Variants in SNX18 observed in about 807,000 individuals in gnomAD.
SNX18 encodes sorting nexin 18.
A neutral mutation model predicts 48.7 loss-of-function variants in SNX18; 35 were observed. The ratio of observed to expected loss-of-function variants is 0.72; its 90% CI spans 0.55 to 0.95. SNX18 has a LOEUF of 0.95. Ranked by LOEUF, SNX18 falls within the 40% of genes least tolerant of loss-of-function variation. The probability of loss-of-function intolerance (pLI) is 0.00; values close to 1 mark genes in which losing one functional copy is unlikely to be tolerated. For missense variants in SNX18, 824 were observed against 871.0 expected (o/e 0.95, Z 0.68); for synonymous variants, 492 against 384.7 (o/e 1.28, Z -3.26).
the SNX18 span, among the ~76,000 whole-genome samples, chr5:54,552,998 A>G: frequency 7.0e-6 from 1 of 142,764 alleles, no homozygotes; most frequent in East Asian, 2.4e-4. Context: ...GAGCTTCCAC[A>G]GTTGGTGCAA....
chr5:54,521,847 C>T (rs572840340), intron 1 of SNX18, among the ~76,000 whole-genome samples: 1 of 152,152 alleles, frequency 6.6e-6, no homozygotes, highest in South Asian at 2.1e-4. Flanking sequence ...GGATTACAAG[C>T]GTGAACCACC....
the SNX18 span, among the ~76,000 whole-genome samples, chr5:54,614,183 T>C: frequency 6.6e-6 from 1 of 152,236 alleles, no homozygotes; most frequent in East Asian, 1.9e-4. Context: ...TTGGCCATCA[T>C]GGTTCTCAAA....
the SNX18 span, among the ~76,000 whole-genome samples, chr5:54,601,448 T>C: frequency 6.6e-6 from 1 of 152,192 alleles, no homozygotes; most frequent in Non-Finnish European, 1.5e-5. Flanking sequence ...TGAGAGAGCA[T>C]GAGGAGAGTC....
the SNX18 span, among the ~76,000 whole-genome samples, chr5:54,612,377 G>C: frequency 6.6e-6 from 1 of 151,876 alleles, no homozygotes; most frequent in African/African-American, 2.4e-5. Context: ...TCTTGCCTCA[G>C]CCTCCAGAGT....
downstream of SNX18, among the ~76,000 whole-genome samples, chr5:54,548,514 G>C (rs535287965): frequency 1.4e-4 from 21 of 152,342 alleles, 1 homozygote; most frequent in Middle Eastern, 0.02. Context: ...ACCTGGGTCA[G>C]ATCCTAGTTG....
At position 54,518,557 on chromosome 5, in the gene SNX18, C is replaced by G; in HGVS notation, c.605C>G (p.Ser202Cys). ...RYRLSTRSDL[S>C]LGSRGGSVPP... ...CGCCTGTCCACGCGCTCCGACCTGTCCCTGGGTTCCCGCGGCGGCTCGGTC... is the reference window on the plus strand; with the variant it reads ...CGCCTGTCCACGCGCTCCGACCTGTGCCTGGGTTCCCGCGGCGGCTCGGTC... The change falls in exon 1 of 2, where the codon TCC (serine) becomes TGC (cysteine). Residue 202 changes from serine (S) to cysteine (C), a missense_variant. Ser to Cys is a moderately radical substitution (Grantham distance 112). Coordinates refer to ENST00000381410, the MANE Select transcript of SNX18 (RefSeq NM_001102575.2). 1.3e-6 allele frequency: 2 copies of G among 1,587,642 alleles called. No individual in the cohort carries two copies. Among genetic ancestry groups the G allele is most frequent in the Non-Finnish European group, 8.6e-7 (1 of 1,167,924 alleles).
At chr5:54,528,521 T>G (rs1411724374) in intron 1 of SNX18, among the ~76,000 whole-genome samples, 1 of 152,324 alleles carries the variant, frequency 6.6e-6, no homozygotes, top group East Asian at 1.9e-4. Context: ...AGTGTGACTT[T>G]TGGAGGAGTG....
the SNX18 span, among the ~76,000 whole-genome samples, chr5:54,597,684 GAAACCAATGAAA>G: frequency 1.3e-5 from 2 of 152,144 alleles, no homozygotes; most frequent in Admixed American, 1.3e-4. Context: ...GAAGTTCTTT[GAAACCAATGAAA>G]ACAAAGAAAA....
chr5:54,631,614 A>G, the SNX18 span, among the ~76,000 whole-genome samples: 1 of 152,224 alleles, frequency 6.6e-6, no homozygotes. Flanking sequence ...AAGTTGAAAA[A>G]GATATTCTTT....
At chr5:54,636,401 G>C in the SNX18 span, among the ~76,000 whole-genome samples, 6 of 152,016 alleles carry the variant, frequency 3.9e-5, no homozygotes, top group South Asian at 1.2e-3. Context: ...TTTTGCTATG[G>C]GGAGAAAAAT....
chr5:54,646,156 C>T, the SNX18 span, among the ~76,000 whole-genome samples: 1 of 152,070 alleles, frequency 6.6e-6, no homozygotes, highest in Non-Finnish European at 1.5e-5. Context: ...TGCTGAAACC[C>T]CAAGAAGACT....
At chr5:54,605,385 T>A in the SNX18 span, among the ~76,000 whole-genome samples, 1 of 152,140 alleles carries the variant, frequency 6.6e-6, no homozygotes, top group African/African-American at 2.4e-5. Context: ...AAGCAATATT[T>A]AATTTGAAGA....
At chr5:54,537,013 C>T (rs1314410033) in intron 1 of SNX18, among the ~76,000 whole-genome samples, 1 of 152,162 alleles carries the variant, frequency 6.6e-6, no homozygotes, top group African/African-American at 2.4e-5. Flanking sequence ...TGTCTGTCAG[C>T]TGCATAAATG....
chr5:54,603,373 T>C, the SNX18 span, among the ~76,000 whole-genome samples: 2 of 151,992 alleles, frequency 1.3e-5, no homozygotes, highest in Non-Finnish European at 2.9e-5. Flanking sequence ...CCCAAAGTAT[T>C]GGGACACAGG....
chr5:54,536,161 A>G (rs1405654979), intron 1 of SNX18, among the ~76,000 whole-genome samples: 2 of 152,162 alleles, frequency 1.3e-5, no homozygotes, highest in African/African-American at 4.8e-5. Context: ...CCTGTTCGGT[A>G]TCACTGTATT....
intron 1 of SNX18, among the ~76,000 whole-genome samples, chr5:54,528,222 A>G (rs1436986723): frequency 6.6e-6 from 1 of 152,006 alleles, no homozygotes; most frequent in Non-Finnish European, 1.5e-5. Context: ...TCGTTTGCTT[A>G]ATTCAGAGCA....
chr5:54,632,837 A>C, the SNX18 span, among the ~76,000 whole-genome samples: 1 of 152,052 alleles, frequency 6.6e-6, no homozygotes, highest in Non-Finnish European at 1.5e-5. Flanking sequence ...ACAGTGGCGA[A>C]ACCTTGCCTT....
intron 1 of SNX18, among the ~76,000 whole-genome samples, chr5:54,542,235 T>G (rs1411765809): frequency 6.6e-6 from 1 of 152,230 alleles, no homozygotes; most frequent in Non-Finnish European, 1.5e-5. Flanking sequence ...TGTATGACTG[T>G]GCTTTCGGGG....
chr5:54,564,841 G>A, the SNX18 span, among the ~76,000 whole-genome samples: 1 of 152,314 alleles, frequency 6.6e-6, no homozygotes, highest in African/African-American at 2.4e-5. Flanking sequence ...CTAGGCAACA[G>A]AGAGACTCCG....
Sources: gnomAD v4.1 joint callset for allele counts (sites outside exome capture counted in the v4.1 genomes callset) on GRCh38, gnomAD v4.1.1 for gene constraint, MANE v1.5 for transcripts, NCBI Gene and HGNC (gene_info 2026-07-23, HGNC 2026-07-21) for gene names.